PDE4D: variants seen among roughly 807,000 people sequenced by gnomAD.
The protein encoded by PDE4D is 3',5'-cyclic-AMP phosphodiesterase 4D.
Under a neutral mutation model 87.4 loss-of-function variants are expected in PDE4D, and 24 were observed. That is an observed-to-expected ratio of 0.27 (90% CI 0.20 to 0.39). The LOEUF (loss-of-function observed/expected upper bound fraction) is 0.39, where lower values mean the gene tolerates loss of function less well. Ranked by LOEUF, PDE4D falls within the 10% of genes least tolerant of loss-of-function variation. The pLI is 1.00. For synonymous variants in PDE4D, 384 were observed against 383.2 expected (o/e 1.00, Z -0.02); for missense variants, 714 against 1,041.0 (o/e 0.69, Z 4.32).
At chr5:59,567,204 T>C (rs1821088125) in intron 1 of PDE4D, among the ~76,000 whole-genome samples, 8 of 152,218 alleles carry the variant, frequency 5.3e-5, no homozygotes, top group Admixed American at 5.2e-4. Context: ...AAAAGTTGCT[T>C]TAATATCTGA....
At chr5:59,837,041 T>G (rs1742228488) in intron 1 of PDE4D, among the ~76,000 whole-genome samples, 1 of 151,922 alleles carries the variant, frequency 6.6e-6, no homozygotes, top group Non-Finnish European at 1.5e-5. Flanking sequence ...ACACTTCACT[T>G]CCCCCTCACC....
intron 1 of PDE4D, among the ~76,000 whole-genome samples, chr5:59,526,056 G>A (rs1813070407): frequency 6.6e-6 from 1 of 152,110 alleles, no homozygotes; most frequent in Admixed American, 6.5e-5. Context: ...ATCAAAAATA[G>A]ATGTGCAGCA....
intron 1 of PDE4D, among the ~76,000 whole-genome samples, chr5:59,827,092 T>C (rs932482157): frequency 7.2e-5 from 11 of 152,108 alleles, no homozygotes; most frequent in Non-Finnish European, 1.5e-4. Flanking sequence ...TTTGAACTTA[T>C]GATCAGATAA....
intron 1 of PDE4D, among the ~76,000 whole-genome samples, chr5:59,276,693 A>C (rs1219313215): frequency 1.3e-5 from 2 of 152,080 alleles, no homozygotes; most frequent in African/African-American, 2.4e-5. Context: ...AATGTTTTCT[A>C]AACCTTATTT....
At position 60,132,322 on chromosome 5, in the gene PDE4D, G is replaced by C. The variant is rs571589405; in HGVS notation, c.42+53235C>G. 7.2e-5 allele frequency among the ~76,000 whole-genome samples: 11 copies of C among 152,162 alleles called. No individual in the cohort carries two copies. In the South Asian group the frequency reaches 1.7e-3, roughly 23 times the overall value. On this transcript the variant is annotated intron_variant, in intron 2 of 16. Transcript: ENST00000502484. Reference sequence around the variant, plus strand: ...GTTAGTGTAATCCCTGTATATTTTAGAAATTAATTTAACTGTTTTTATTTA... The same window carrying C: ...GTTAGTGTAATCCCTGTATATTTTACAAATTAATTTAACTGTTTTTATTTA...
intron 2 of PDE4D, among the ~76,000 whole-genome samples, chr5:60,135,581 G>A (rs927311369): frequency 6.6e-6 from 1 of 152,170 alleles, no homozygotes; most frequent in African/African-American, 2.4e-5. Context: ...TAGCTGGATG[G>A]AGAAGCAAAG....
chr5:59,874,458 A>C (rs189004878), intron 1 of PDE4D, among the ~76,000 whole-genome samples: 1 of 152,322 alleles, frequency 6.6e-6, no homozygotes, highest in East Asian at 1.9e-4. Context: ...TTGAGGAAAC[A>C]ATTTTCACTT....
chr5:60,009,410 A>G (rs1764799144), intron 2 of PDE4D, among the ~76,000 whole-genome samples: 2 of 152,028 alleles, frequency 1.3e-5, no homozygotes, highest in South Asian at 4.1e-4. Flanking sequence ...ATAATTATTT[A>G]TCGAGTGCCT....
chr5:59,338,340 A>G (rs1778094874), intron 1 of PDE4D, among the ~76,000 whole-genome samples: 1 of 152,202 alleles, frequency 6.6e-6, no homozygotes, highest in Admixed American at 6.5e-5. Context: ...GCCAATAACA[A>G]GTTTCATTAG....
intron 1 of PDE4D, among the ~76,000 whole-genome samples, chr5:59,450,334 G>A (rs968565034): frequency 2.0e-5 from 3 of 152,276 alleles, no homozygotes; most frequent in African/African-American, 7.2e-5. Context: ...TCTAAAATAA[G>A]TTTCAATTCA....
At chr5:59,030,865 C>CATGTGCAGG (rs1054534146) in intron 6 of PDE4D, among the ~76,000 whole-genome samples, 3 of 152,056 alleles carry the variant, frequency 2.0e-5, no homozygotes, top group Non-Finnish European at 4.4e-5. Context: ...TTCAGGGGTA[C>CATGTGCAGG]ATGTGCAGGA....
chr5:60,334,258 A>T (rs1757554747), intron 1 of PDE4D, among the ~76,000 whole-genome samples: 1 of 152,212 alleles, frequency 6.6e-6, no homozygotes, highest in Admixed American at 6.5e-5. Flanking sequence ...TTCAATCATT[A>T]TTGATTACTA....
At chr5:59,748,379 T>C (rs1013616617) in intron 1 of PDE4D, among the ~76,000 whole-genome samples, 4 of 152,034 alleles carry the variant, frequency 2.6e-5, no homozygotes, top group Admixed American at 6.6e-5. Flanking sequence ...CTATTCACAA[T>C]AGCAAAGACT....
At chr5:59,502,077 T>C (rs75839222) in intron 1 of PDE4D, among the ~76,000 whole-genome samples, 3 of 152,252 alleles carry the variant, frequency 2.0e-5, no homozygotes, top group East Asian at 3.9e-4. Flanking sequence ...TCCCTAAAGA[T>C]TCATGCCATG....
intron 2 of PDE4D, among the ~76,000 whole-genome samples, chr5:60,153,407 T>G (rs1781690139): frequency 6.6e-6 from 1 of 152,182 alleles, no homozygotes; most frequent in Admixed American, 6.5e-5. Flanking sequence ...AGAGAACACT[T>G]GTACACTGTT....
chr5:59,780,661 G>T (rs1764522061), intron 1 of PDE4D, among the ~76,000 whole-genome samples: 1 of 152,156 alleles, frequency 6.6e-6, no homozygotes, highest in Non-Finnish European at 1.5e-5. Context: ...GCTAGTTTGT[G>T]TAACTTTTTC....
chr5:59,613,213 A>C (rs1200738217), intron 1 of PDE4D, among the ~76,000 whole-genome samples: 3 of 152,122 alleles, frequency 2.0e-5, no homozygotes, highest in Admixed American at 6.5e-5. Context: ...TGCTGATTGG[A>C]TTGGAATTGG....
chr5:59,003,856 G>A (rs1274450969), intron 6 of PDE4D, among the ~76,000 whole-genome samples: 2 of 152,038 alleles, frequency 1.3e-5, no homozygotes, highest in Admixed American at 6.5e-5. Flanking sequence ...AGGCCTCGAG[G>A]CAAAACATAC....
chr5:60,212,620 G>A (rs1397743244), intron 1 of PDE4D, among the ~76,000 whole-genome samples: 1 of 152,174 alleles, frequency 6.6e-6, no homozygotes, highest in African/African-American at 2.4e-5. Flanking sequence ...CGCCAATACA[G>A]AGGGCAGACA....
Sources: gnomAD v4.1 joint callset for allele counts (sites outside exome capture counted in the v4.1 genomes callset) on GRCh38, gnomAD v4.1.1 for gene constraint, MANE v1.5 for transcripts, NCBI Gene and HGNC (gene_info 2026-07-23, HGNC 2026-07-21) for gene names.